UBE2E2: variants seen among roughly 807,000 people sequenced by gnomAD.
UBE2E2 encodes the protein ubiquitin conjugating enzyme E2 E2, also known as ubiquitin-conjugating enzyme E2 E2.
A neutral mutation model predicts 24.7 loss-of-function variants in UBE2E2; 6 were observed. That is an observed-to-expected ratio of 0.24 (90% CI 0.13 to 0.48). The LOEUF is 0.48. Among genes scored for constraint, UBE2E2 ranks in the 20% least tolerant of loss-of-function variants. The probability of loss-of-function intolerance (pLI) is 0.99; values close to 1 mark genes in which losing one functional copy is unlikely to be tolerated. For missense variants in UBE2E2, 169 were observed against 245.0 expected, an observed-to-expected ratio of 0.69 and a Z score of 2.07; for synonymous variants, 104 against 83.6, an observed-to-expected ratio of 1.24 and a Z score of -1.33.
intron 3 of UBE2E2, among the ~76,000 whole-genome samples, chr3:23,378,340 A>G (rs969068684): frequency 1.3e-5 from 2 of 152,052 alleles, no homozygotes; most frequent in African/African-American, 4.8e-5. Context: ...TACATTTTTA[A>G]AAATTTAAAG....
intron 5 of UBE2E2, among the ~76,000 whole-genome samples, chr3:23,567,203 ATT>A (rs1480389700): frequency 2.6e-5 from 4 of 152,172 alleles, no homozygotes; most frequent in African/African-American, 9.6e-5. Context: ...ATGTGTTAGG[ATT>A]TGTTTGGTCA....
intron 3 of UBE2E2, among the ~76,000 whole-genome samples, chr3:23,402,367 G>C (rs1273112603): frequency 1.3e-5 from 2 of 152,118 alleles, no homozygotes; most frequent in Non-Finnish European, 2.9e-5. Context: ...GTTTGCCGGA[G>C]GAAGTATATC....
At chr3:23,516,374 C>T (rs965350917) in intron 4 of UBE2E2, among the ~76,000 whole-genome samples, 1 of 152,106 alleles carries the variant, frequency 6.6e-6, no homozygotes, top group Non-Finnish European at 1.5e-5. Flanking sequence ...ATCTGCAAAA[C>T]AGATGGTTGA....
At chr3:23,211,655 C>A (rs976097216) in intron 2 of UBE2E2, among the ~76,000 whole-genome samples, 6 of 152,072 alleles carry the variant, frequency 3.9e-5, no homozygotes, top group Non-Finnish European at 7.4e-5. Context: ...CTTGGTCTCT[C>A]AAAGTGTTGG....
At chr3:23,337,261 G>A (rs549902027) in intron 3 of UBE2E2, among the ~76,000 whole-genome samples, 15 of 152,200 alleles carry the variant, frequency 9.9e-5, no homozygotes, top group African/African-American at 3.1e-4. Context: ...ATTATAGAAA[G>A]TGTAGTTTCT....
At chr3:23,275,325 G>A (rs1176277218) in intron 3 of UBE2E2, among the ~76,000 whole-genome samples, 3 of 152,150 alleles carry the variant, frequency 2.0e-5, no homozygotes, top group African/African-American at 4.8e-5. Context: ...AGGCAGAGGC[G>A]GCAGCATGTG....
intron 4 of UBE2E2, among the ~76,000 whole-genome samples, chr3:23,524,402 G>T (rs946341612): frequency 1.3e-5 from 2 of 152,180 alleles, no homozygotes; most frequent in Admixed American, 1.3e-4. Flanking sequence ...TTCCTGCTGA[G>T]TGCCAGGCAG....
intron 3 of UBE2E2, among the ~76,000 whole-genome samples, chr3:23,475,258 G>C (rs1283245889): frequency 6.6e-6 from 1 of 151,926 alleles, no homozygotes; most frequent in Admixed American, 6.6e-5. Flanking sequence ...CCACTCATAG[G>C]GGTTATAAAG....
intron 3 of UBE2E2, among the ~76,000 whole-genome samples, chr3:23,482,393 A>G (rs1434654984): frequency 1.3e-5 from 2 of 152,120 alleles, no homozygotes; most frequent in African/African-American, 4.8e-5. Flanking sequence ...CCACCAGGAT[A>G]TTCTGTGTGG....
intron 3 of UBE2E2, among the ~76,000 whole-genome samples, chr3:23,298,992 C>A (rs1378039437): frequency 6.6e-6 from 1 of 152,148 alleles, no homozygotes; most frequent in Non-Finnish European, 1.5e-5. Context: ...CTCAGAGATT[C>A]AACTTCTTCC....
chr3:23,545,061 T>C (rs2125494702), intron 5 of UBE2E2, among the ~76,000 whole-genome samples: 1 of 152,382 alleles, frequency 6.6e-6, no homozygotes, highest in South Asian at 2.1e-4. Context: ...AGGCGGTTTT[T>C]CCCTATCTCA....
rs577713752 is a variant in UBE2E2 at position 23,519,244 on chromosome 3, C to G, written c.361-13310C>G. 3.6e-5 allele frequency among the ~76,000 whole-genome samples: 5 copies of G among 138,874 alleles called. No individual in the cohort carries two copies. The East Asian group carries it at 1.1e-3, about 30-fold the overall frequency. The allele number at this position is 138,874 out of a possible 152,430, so 91.1% of individuals were successfully genotyped here. A position where few individuals can be genotyped will look rare whatever the true frequency, so the allele number is the denominator to read the frequency against. On this transcript the variant is annotated intron_variant, in intron 4 of 5. Transcript: ENST00000396703. ...GAAAATTAAGTGCACTTCTACTTTA[C>G]CAAGGTTTTTTTTTTTGCTATTTTA...
At chr3:23,488,085 C>T (rs1203494064) in intron 3 of UBE2E2, among the ~76,000 whole-genome samples, 1 of 151,758 alleles carries the variant, frequency 6.6e-6, no homozygotes, top group Non-Finnish European at 1.5e-5. Flanking sequence ...ATTTTCATAG[C>T]CAAGAAACAA....
At chr3:23,297,445 C>A (rs1406225456) in intron 3 of UBE2E2, among the ~76,000 whole-genome samples, 1 of 152,036 alleles carries the variant, frequency 6.6e-6, no homozygotes, top group Non-Finnish European at 1.5e-5. Context: ...GGTTTTAGGT[C>A]TAACGTTTAA....
intron 3 of UBE2E2, among the ~76,000 whole-genome samples, chr3:23,395,708 T>G (rs1233083183): frequency 6.6e-6 from 1 of 152,222 alleles, no homozygotes; most frequent in Non-Finnish European, 1.5e-5. Flanking sequence ...GGGCATAGTC[T>G]TAAGTTTTCT....
Position 23,503,979 on chromosome 3 carries a change from TA to T in UBE2E2, c.360+4245del, listed in dbSNP as rs1694369944. 2.6e-5 allele frequency among the ~76,000 whole-genome samples: 4 copies of T among 151,118 alleles called. No individual in the cohort carries two copies. The South Asian group carries it at 6.4e-4, about 24-fold the overall frequency. ...GCAGCCTACATATTTGTTACATAATTAAAAAACAGTTGCAGATAAGCAAAAG... is the reference window on the plus strand; with the variant it reads ...GCAGCCTACATATTTGTTACATAATTAAAAACAGTTGCAGATAAGCAAAAG... On this transcript the variant is annotated intron_variant, in intron 4 of 5. Transcript: ENST00000396703.
chr3:23,358,218 C>T (rs1487473580), intron 3 of UBE2E2, among the ~76,000 whole-genome samples: 1 of 152,188 alleles, frequency 6.6e-6, no homozygotes, highest in African/African-American at 2.4e-5. Context: ...CTTTGTTTTT[C>T]TGTCAGGGTT....
rs1057328100 is a variant in UBE2E2, at chr3:23,208,805, G to A, written c.106G>A (p.Val36Ile). 3 of 1,613,508 alleles carry A rather than the reference G, an allele frequency of 1.9e-6. No individual in the cohort carries two copies. Among genetic ancestry groups the A allele is most frequent in the Admixed American group, 3.3e-5 (2 of 59,906 alleles). ...SVQQEPEREQ[V>I]QPKKKEGKIS... ...TCAGCAAGAACCAGAAAGAGAACAA[G>A]TTCAGCCCAAGAAAAAGGAGGGAAA... Residue 36 changes from valine (V) to isoleucine (I), a missense_variant, in exon 2 of 6, where the codon GTT (valine) becomes ATT (isoleucine). Transcript: ENST00000396703.
At chr3:23,403,553 G>C (rs754205845) in intron 3 of UBE2E2, among the ~76,000 whole-genome samples, 1 of 152,208 alleles carries the variant, frequency 6.6e-6, no homozygotes, top group Non-Finnish European at 1.5e-5. Flanking sequence ...GGGCACAGTG[G>C]CTCATGCCTG....
Sources: allele counts gnomAD v4.1 joint callset (sites outside exome capture counted in the v4.1 genomes callset), GRCh38; gene constraint gnomAD v4.1.1; transcripts MANE v1.5; gene names NCBI Gene and HGNC (gene_info 2026-07-23, HGNC 2026-07-21).